ITPR2: variants seen among roughly 807,000 people sequenced by gnomAD.
ITPR2 encodes inositol 1,4,5-trisphosphate-gated calcium channel ITPR2.
Under a neutral mutation model 317.1 loss-of-function variants are expected in ITPR2, and 207 were observed. That is an observed-to-expected ratio of 0.65 (90% CI 0.58 to 0.73). The LOEUF (loss-of-function observed/expected upper bound fraction) is 0.73. Among genes scored for constraint, ITPR2 ranks in the 30% least tolerant of loss-of-function variants. The pLI, the probability that ITPR2 is intolerant of heterozygous loss-of-function variation, is 0.00. For synonymous variants in ITPR2, 1,156 were observed against 1,149.1 expected (o/e 1.01, Z -0.12); for missense variants, 2,613 against 3,284.0 (o/e 0.80, Z 4.99).
chr12:26,639,091 A>C (rs1208536755), intron 21 of ITPR2, among the ~76,000 whole-genome samples: 1 of 152,132 alleles, frequency 6.6e-6, no homozygotes, highest in African/African-American at 2.4e-5. Flanking sequence ...ATTGAGTCAT[A>C]AGAGGAACTG....
intron 21 of ITPR2, among the ~76,000 whole-genome samples, chr12:26,639,233 G>C (rs1349857416): frequency 6.6e-6 from 1 of 152,150 alleles, no homozygotes; most frequent in East Asian, 1.9e-4. Context: ...AGCAACAGAA[G>C]TAAGGCTGCT....
At chr12:26,743,925 A>G (rs1344692341) in intron 2 of ITPR2, among the ~76,000 whole-genome samples, 1 of 152,162 alleles carries the variant, frequency 6.6e-6, no homozygotes, top group South Asian at 2.1e-4. Context: ...CTCATGTCCA[A>G]AACAATGACA....
intron 21 of ITPR2, among the ~76,000 whole-genome samples, chr12:26,649,909 G>A (rs1191384762): frequency 6.6e-6 from 1 of 152,122 alleles, no homozygotes; most frequent in Non-Finnish European, 1.5e-5. Context: ...CTCCCAATAG[G>A]AGAAAGGAGA....
chr12:26,650,604 T>TA (rs565212652), intron 21 of ITPR2, among the ~76,000 whole-genome samples: 9 of 151,356 alleles, frequency 5.9e-5, no homozygotes, highest in East Asian at 3.9e-4. Flanking sequence ...AAAACTGCTC[T>TA]AAAAAAAAAT....
chr12:26,547,402 A>G (rs1432773109), intron 37 of ITPR2, among the ~76,000 whole-genome samples: 3 of 152,234 alleles, frequency 2.0e-5, no homozygotes, highest in Admixed American at 1.3e-4. Context: ...ACAAAAAAAT[A>G]ACAGACGTTG....
At chr12:26,757,260 G>A (rs1404184462) in intron 2 of ITPR2, among the ~76,000 whole-genome samples, 2 of 149,060 alleles carry the variant, frequency 1.3e-5, no homozygotes, top group African/African-American at 2.5e-5. Flanking sequence ...CTGTCACCTA[G>A]GCTAGAGTGC....
chr12:26,409,512 T>C (rs1940470668), intron 52 of ITPR2, among the ~76,000 whole-genome samples: 1 of 152,110 alleles, frequency 6.6e-6, no homozygotes, highest in African/African-American at 2.4e-5. Context: ...ATGGAAATCT[T>C]CTAGAACAGA....
intron 1 of ITPR2, among the ~76,000 whole-genome samples, chr12:26,792,189 A>C (rs891754568): frequency 6.6e-6 from 1 of 152,086 alleles, no homozygotes; most frequent in Non-Finnish European, 1.5e-5. Flanking sequence ...AGTTCTAAAA[A>C]TTTGTCCTAT....
At chr12:26,553,331 T>A (rs1263144550) in intron 36 of ITPR2, among the ~76,000 whole-genome samples, 1 of 152,202 alleles carries the variant, frequency 6.6e-6, no homozygotes, top group East Asian at 1.9e-4. Context: ...TTAAGTAGAC[T>A]CCTGTCCTGG....
At chr12:26,434,097 A>G (rs555822676) in intron 48 of ITPR2, among the ~76,000 whole-genome samples, 6 of 151,960 alleles carry the variant, frequency 3.9e-5, no homozygotes, top group East Asian at 1.9e-4. Flanking sequence ...CCTTCCCACC[A>G]TTAATGGGTA....
At chr12:26,349,821 T>C (rs112182265) in intron 55 of ITPR2, among the ~76,000 whole-genome samples, 186 of 152,318 alleles carry the variant, frequency 1.2e-3, no homozygotes, top group Non-Finnish European at 2.2e-3. Context: ...CTATTTAATC[T>C]AGTCATTGCT....
At position 26,387,405 on chromosome 12, in the gene ITPR2, T is replaced by C. The variant is rs371570385; in HGVS notation, c.7857+29A>G. 2.5e-6 allele frequency: 4 copies of C among 1,606,150 alleles called. No individual in the cohort carries two copies. In the Admixed American group the frequency reaches 6.7e-5, roughly 27 times the overall value. On this transcript the variant is annotated intron_variant, in intron 55 of 56. Coordinates refer to ENST00000381340, the MANE Select transcript of ITPR2 (RefSeq NM_002223.4). ...TGAAAGCCTAAAAGATACAATATAG[T>C]CACAAATTAAAACCTTCTGGTCACT... is the stretch of plus-strand genomic sequence containing the variant.
At chr12:26,478,251 T>G (rs978248679) in intron 43 of ITPR2, among the ~76,000 whole-genome samples, 6 of 152,104 alleles carry the variant, frequency 3.9e-5, no homozygotes, top group African/African-American at 4.8e-5. Flanking sequence ...CACTGACTCA[T>G]TATGAAAAGA....
intron 55 of ITPR2, among the ~76,000 whole-genome samples, chr12:26,347,120 G>T (rs551393909): frequency 2.4e-4 from 36 of 151,974 alleles, no homozygotes; most frequent in Non-Finnish European, 4.7e-4. Flanking sequence ...TCCACTTCTG[G>T]GCAAGTTCTT....
intron 1 of ITPR2, among the ~76,000 whole-genome samples, chr12:26,791,324 T>A (rs76183007): frequency 0.032 from 4,918 of 151,900 alleles, 76 homozygotes; most frequent in Middle Eastern, 0.068. Context: ...ATTAATTACA[T>A]GTATATGAAT....
chr12:26,796,965 A>C (rs1950456986), intron 1 of ITPR2, among the ~76,000 whole-genome samples: 1 of 152,178 alleles, frequency 6.6e-6, no homozygotes, highest in South Asian at 2.1e-4. Context: ...TGAACCAAGG[A>C]GGTGGAGGTT....
chr12:26,763,123 C>A, intron 2 of ITPR2, among the ~76,000 whole-genome samples: 1 of 151,996 alleles, frequency 6.6e-6, no homozygotes. Flanking sequence ...TAAATGTTCT[C>A]ACTACAATAA....
Position 26,657,777 on chromosome 12 carries a change from C to T in ITPR2, c.2122G>A (p.Ala708Thr), listed in dbSNP as rs1170393018. 2.5e-6 allele frequency: 4 copies of T among 1,614,040 alleles called. No homozygotes were observed. Among genetic ancestry groups the T allele is most frequent in the East Asian group, 2.2e-5 (1 of 44,886 alleles). ...GCCTCTTGAGCAAGGTGCCTGATAGCTTTGCCATGAGGTTCCTTGTTGCTG... is the reference window on the plus strand; with the variant it reads ...GCCTCTTGAGCAAGGTGCCTGATAGTTTTGCCATGAGGTTCCTTGTTGCTG... Reference protein sequence around the residue: ...IDSNKEPHGKAIRHLAQEAKE... With the variant: ...IDSNKEPHGKTIRHLAQEAKE... Residue 708 changes from alanine to threonine, a missense_variant, in exon 18 of 57, where the codon GCT becomes ACT. Ala to Thr is a moderately conservative substitution (Grantham distance 58). This residue lies in a region of ITPR2 where 817 missense variants were observed against 897.6 expected (regional missense o/e 0.91). Transcript: ENST00000381340.
chr12:26,711,309 A>T, intron 8 of ITPR2, 41 bp from the exon 9 acceptor site: 1 of 1,390,974 alleles, frequency 7.2e-7, no homozygotes, highest in East Asian at 2.3e-5. Context: ...AACAATATTT[A>T]TGTTCCTGGC....
Sources: gnomAD v4.1 joint callset for allele counts (sites outside exome capture counted in the v4.1 genomes callset) on GRCh38, gnomAD v4.1.1 for gene constraint, gnomAD v4.1.1 regional missense constraint, MANE v1.5 for transcripts, NCBI Gene and HGNC (gene_info 2026-07-23, HGNC 2026-07-21) for gene names.